The following PHTF2 variants were observed in gnomAD, a reference collection of about 807,000 sequenced individuals.
PHTF2 encodes protein PHTF2.
In PHTF2, 60 loss-of-function variants were observed where a neutral mutation model predicts 101.2. The observed-to-expected ratio is 0.59, with a 90% CI of 0.48 to 0.73. PHTF2 has a LOEUF of 0.73. Ranked by LOEUF, PHTF2 falls within the 30% of genes least tolerant of loss-of-function variation. The probability of loss-of-function intolerance (pLI) is 0.00; values close to 1 mark genes in which losing one functional copy is unlikely to be tolerated. For synonymous variants in PHTF2, 311 were observed against 307.3 expected, an observed-to-expected ratio of 1.01 and a Z score of -0.13; for missense variants, 747 against 908.7, an observed-to-expected ratio of 0.82 and a Z score of 2.29.
intron 1 of PHTF2, among the ~76,000 whole-genome samples, chr7:77,824,910 C>T (rs1794591740): frequency 6.6e-6 from 1 of 151,890 alleles, no homozygotes; most frequent in Admixed American, 6.6e-5. Flanking sequence ...TGGCACACAC[C>T]TGTAGTCTTA....
At chr7:77,888,014 T>C (rs140640031) in intron 3 of PHTF2, among the ~76,000 whole-genome samples, 26 of 152,372 alleles carry the variant, frequency 1.7e-4, no homozygotes, top group Admixed American at 1.6e-3. Flanking sequence ...AAGAATATGG[T>C]TGGATATCTA....
At chr7:77,942,215 C>A (rs1300118094) in intron 15 of PHTF2, among the ~76,000 whole-genome samples, 5 of 152,112 alleles carry the variant, frequency 3.3e-5, no homozygotes, top group Non-Finnish European at 5.9e-5. Context: ...ATGAAGTCTC[C>A]CTGCCAAGTA....
chr7:77,937,191 G>T (rs1369985453), intron 12 of PHTF2, among the ~76,000 whole-genome samples: 1 of 151,924 alleles, frequency 6.6e-6, no homozygotes, highest in African/African-American at 2.4e-5. Flanking sequence ...GTCTTTTTTG[G>T]GATAAGACTA....
intron 3 of PHTF2, among the ~76,000 whole-genome samples, chr7:77,890,320 C>CCTAG (rs1277553800): frequency 2.6e-5 from 4 of 152,138 alleles, no homozygotes; most frequent in Admixed American, 2.0e-4. Flanking sequence ...TTGCACTGAA[C>CCTAG]CTAGTTATGC....
chr7:77,953,701 A>G, intron 18 of PHTF2, 68 bp from the exon 18 acceptor site: 3 of 1,384,234 alleles, frequency 2.2e-6, no homozygotes, highest in East Asian at 2.3e-5. Flanking sequence ...TTCTCATTGT[A>G]TATTGTTCTG....
intron 1 of PHTF2, among the ~76,000 whole-genome samples, chr7:77,819,311 C>T (rs1012986111): frequency 1.3e-5 from 2 of 152,150 alleles, no homozygotes; most frequent in Admixed American, 1.3e-4. Flanking sequence ...TTGTCTTGTT[C>T]TAGTAGTCAG....
intron 1 of PHTF2, among the ~76,000 whole-genome samples, chr7:77,799,369 G>A (rs775755280): frequency 9.2e-5 from 14 of 152,196 alleles, no homozygotes; most frequent in South Asian, 2.1e-4. Context: ...GGGCGTTCAG[G>A]GGTCTCGGGT....
intron 1 of PHTF2, among the ~76,000 whole-genome samples, chr7:77,825,637 T>C (rs545236094): frequency 7.2e-5 from 11 of 152,280 alleles, no homozygotes; most frequent in Admixed American, 2.0e-4. Flanking sequence ...TATAGAAAAG[T>C]AGATTAAGAG....
intron 3 of PHTF2, among the ~76,000 whole-genome samples, chr7:77,868,498 T>A (rs957283587): frequency 1.3e-5 from 2 of 151,910 alleles, no homozygotes; most frequent in Admixed American, 6.6e-5. Flanking sequence ...CAATCATGAA[T>A]ACAAAGAAAA....
At chr7:77,900,649 T>C in intron 5 of PHTF2, 62 bp from the exon 5 acceptor site, 1 of 839,218 alleles carries the variant, frequency 1.2e-6, no homozygotes, top group Non-Finnish European at 2.1e-6. Context: ...TAGAAATTGA[T>C]TTTCTCCTGT....
intron 5 of PHTF2, among the ~76,000 whole-genome samples, chr7:77,897,535 A>G (rs1245221798): frequency 6.6e-6 from 1 of 151,804 alleles, no homozygotes; most frequent in Non-Finnish European, 1.5e-5. Flanking sequence ...TTTAAAGAAA[A>G]TGTTACTTTT....
chr7:77,954,613 T>TATATAG (rs1806837880), intron 19 of PHTF2, among the ~76,000 whole-genome samples: 1 of 21,798 alleles, frequency 4.6e-5, no homozygotes, highest in Non-Finnish European at 8.8e-5. Flanking sequence ...AAGTACTGTG[T>TATATAG]ATATATATAT....
At chr7:77,879,353 C>G (rs1056348585) in intron 3 of PHTF2, among the ~76,000 whole-genome samples, 1 of 152,132 alleles carries the variant, frequency 6.6e-6, no homozygotes, top group African/African-American at 2.4e-5. Context: ...ATGGCTGCTG[C>G]TGCTTCTCAT....
At chr7:77,952,974 A>G (rs1259128286) in intron 18 of PHTF2, among the ~76,000 whole-genome samples, 2 of 152,140 alleles carry the variant, frequency 1.3e-5, no homozygotes, top group East Asian at 3.8e-4. Flanking sequence ...AACTCCTTAC[A>G]GATATTCTTG....
exon 13 of PHTF2, chr7:77,937,824 A>G: frequency 6.5e-7 from 1 of 1,534,830 alleles, no homozygotes; most frequent in Non-Finnish European, 8.8e-7. Flanking sequence ...AATCAGTGGA[A>G]TGATAATGAA....
At chr7:77,919,069 T>C (rs1362625791) in intron 9 of PHTF2, among the ~76,000 whole-genome samples, 1 of 152,192 alleles carries the variant, frequency 6.6e-6, no homozygotes, top group Admixed American at 6.5e-5. Flanking sequence ...TGAGGTAGTA[T>C]GGAGAATATA....
chr7:77,940,698 C>T, intron 15 of PHTF2, 39 bp downstream of exon 14: 1 of 1,456,944 alleles, frequency 6.9e-7, no homozygotes, highest in African/African-American at 1.4e-5. Context: ...AACATGCTGG[C>T]CCTTTCTGAT....
intron 9 of PHTF2, among the ~76,000 whole-genome samples, chr7:77,914,986 A>G (rs1802770528): frequency 1.3e-5 from 2 of 151,984 alleles, no homozygotes; most frequent in African/African-American, 2.4e-5. Flanking sequence ...ATCTCGGCTC[A>G]CTGCAACCTC....
rs758786854 is a variant in PHTF2 at position 77,954,843 on chromosome 7, T to TC, written c.2338-15_2338-14insC. On this transcript the variant is annotated splice_polypyrimidine_tract_variant and intron_variant, in intron 19 of 19. Coordinates refer to ENST00000416283, the Ensembl canonical transcript of PHTF2. ...TAAAACTGGCTTGTCACCACTTCTA[T>TC]TTTTTTTTTTCTAGCTATGGAAGAT... 22 of 984,982 alleles carry TC rather than the reference T, an allele frequency of 2.2e-5. No homozygotes were observed. The African/African-American group carries it at 4.1e-4, about 19-fold the overall frequency. The allele number at this position is 984,982 out of a possible 1,614,324, so 61.0% of individuals were successfully genotyped here.
Sources: gnomAD v4.1 joint callset for allele counts (sites outside exome capture counted in the v4.1 genomes callset) on GRCh38, gnomAD v4.1.1 for gene constraint, MANE v1.5 for transcripts, NCBI Gene and HGNC (gene_info 2026-07-23, HGNC 2026-07-21) for gene names.